The following GPC5 variants were observed in gnomAD, a reference collection of about 807,000 sequenced individuals.
The protein encoded by GPC5 is glypican 5.
GPC5 carries 47 observed loss-of-function variants against 53.9 expected under a neutral mutation model. That is an observed-to-expected ratio of 0.87 (90% CI 0.69 to 1.11). The LOEUF (loss-of-function observed/expected upper bound fraction) is 1.11. Among genes scored for constraint, GPC5 ranks in the 50% most tolerant of loss-of-function variants. The pLI, the probability that GPC5 is intolerant of heterozygous loss-of-function variation, is 0.00. For synonymous variants in GPC5, 286 were observed against 263.3 expected (o/e 1.09, Z -0.84); for missense variants, 748 against 713.1 (o/e 1.05, Z -0.56).
chr13:92,823,769 T>C (rs1167015054), intron 7 of GPC5, among the ~76,000 whole-genome samples: 1 of 152,140 alleles, frequency 6.6e-6, no homozygotes, highest in Non-Finnish European at 1.5e-5. Flanking sequence ...CCTATGTATA[T>C]GTGAGAATAT....
At chr13:91,545,768 A>G (rs1413084349) in intron 2 of GPC5, among the ~76,000 whole-genome samples, 2 of 152,086 alleles carry the variant, frequency 1.3e-5, no homozygotes, top group African/African-American at 4.8e-5. Flanking sequence ...ATTATTTTAG[A>G]TACTTCATAT....
intron 2 of GPC5, among the ~76,000 whole-genome samples, chr13:91,487,741 T>C (rs1265602487): frequency 1.3e-5 from 2 of 152,212 alleles, no homozygotes; most frequent in Non-Finnish European, 2.9e-5. Context: ...CTACTTCTCC[T>C]TTATAGATCA....
chr13:92,550,950 C>T (rs1882290979), intron 7 of GPC5, among the ~76,000 whole-genome samples: 1 of 151,822 alleles, frequency 6.6e-6, no homozygotes, highest in African/African-American at 2.4e-5. Context: ...AATATCCCTA[C>T]CGATGTTTGA....
intron 2 of GPC5, among the ~76,000 whole-genome samples, chr13:91,462,762 A>G (rs770769920): frequency 6.6e-6 from 1 of 152,074 alleles, no homozygotes; most frequent in Non-Finnish European, 1.5e-5. Context: ...TGCTGTGTTC[A>G]CATTCTGATT....
intron 7 of GPC5, among the ~76,000 whole-genome samples, chr13:92,743,797 G>C (rs995576391): frequency 2.6e-5 from 4 of 152,084 alleles, no homozygotes; most frequent in African/African-American, 9.7e-5. Flanking sequence ...TAACATGAAG[G>C]CTGTTGAATT....
At position 91,399,033 on chromosome 13, in the gene GPC5, C is replaced by T; in HGVS notation, c.-14C>T. 6.5e-7 allele frequency: 1 copy of T among 1,539,076 alleles called. No individual in the cohort carries two copies. Among genetic ancestry groups the T allele is most frequent in the Non-Finnish European group, 8.8e-7 (1 of 1,141,580 alleles). On this transcript the variant is annotated 5_prime_UTR_variant, in exon 1 of 8. Transcript: ENST00000377067. Reference sequence around the variant, plus strand: ...GGGGTCCACTGGCGGGTAAAGGGGACCAGGACGGCGAGGATGGACGCACAG... The same window carrying T: ...GGGGTCCACTGGCGGGTAAAGGGGATCAGGACGGCGAGGATGGACGCACAG...
At chr13:92,261,579 T>C (rs2042767489) in intron 7 of GPC5, among the ~76,000 whole-genome samples, 1 of 152,060 alleles carries the variant, frequency 6.6e-6, no homozygotes, top group African/African-American at 2.4e-5. Flanking sequence ...CTGCCAGCTT[T>C]AAAGAAATGA....
At chr13:92,432,592 G>T (rs1220381245) in intron 7 of GPC5, among the ~76,000 whole-genome samples, 1 of 151,078 alleles carries the variant, frequency 6.6e-6, no homozygotes, top group African/African-American at 2.4e-5. Context: ...AGCCAGGATG[G>T]TCTTGATCTC....
intron 7 of GPC5, among the ~76,000 whole-genome samples, chr13:92,294,805 GTTTC>G (rs1328988506): frequency 1.2e-4 from 15 of 122,382 alleles, no homozygotes; most frequent in South Asian, 2.6e-4. Flanking sequence ...TGTTTGTGCT[GTTTC>G]TTTCTTTTTT....
At chr13:92,332,108 C>T (rs1326974838) in intron 7 of GPC5, among the ~76,000 whole-genome samples, 2 of 152,152 alleles carry the variant, frequency 1.3e-5, no homozygotes, top group African/African-American at 4.8e-5. Context: ...GTCCCCCAAA[C>T]ATTCTCAAAT....
intron 6 of GPC5, among the ~76,000 whole-genome samples, chr13:91,920,302 A>C (rs1419200072): frequency 6.6e-6 from 1 of 152,174 alleles, no homozygotes; most frequent in Non-Finnish European, 1.5e-5. Context: ...TTAAAAATTA[A>C]AAATTCAATA....
chr13:91,695,396 C>T (rs574448449), intron 3 of GPC5, among the ~76,000 whole-genome samples: 8 of 151,996 alleles, frequency 5.3e-5, no homozygotes, highest in East Asian at 1.9e-4. Flanking sequence ...TATTTTTTGA[C>T]GGAGTCTCAC....
At chr13:92,221,877 C>T (rs550091154) in intron 7 of GPC5, among the ~76,000 whole-genome samples, 54 of 152,038 alleles carry the variant, frequency 3.6e-4, no homozygotes, top group African/African-American at 1.2e-3. Context: ...AGAAAAATGA[C>T]AATATACATT....
chr13:92,275,098 A>C (rs967195886), intron 7 of GPC5, among the ~76,000 whole-genome samples: 3 of 152,184 alleles, frequency 2.0e-5, no homozygotes, highest in African/African-American at 7.2e-5. Flanking sequence ...CACTTTGAAT[A>C]GATTCTCTTA....
intron 7 of GPC5, among the ~76,000 whole-genome samples, chr13:92,399,584 C>T (rs571488581): frequency 2.6e-5 from 4 of 152,126 alleles, no homozygotes; most frequent in Admixed American, 6.5e-5. Context: ...CTGTTGTTCC[C>T]GTAATGATAA....
intron 1 of GPC5, among the ~76,000 whole-genome samples, chr13:91,424,690 C>T (rs898871474): frequency 1.3e-5 from 2 of 152,058 alleles, no homozygotes; most frequent in Non-Finnish European, 2.9e-5. Context: ...TCTAAAGACA[C>T]TAAGAATGTG....
intron 7 of GPC5, among the ~76,000 whole-genome samples, chr13:92,849,061 A>G (rs1467856559): frequency 1.3e-5 from 2 of 151,778 alleles, no homozygotes; most frequent in Non-Finnish European, 2.9e-5. Flanking sequence ...GATCTTGTTG[A>G]CCCAAGGTAC....
chr13:92,356,909 C>G (rs1022565242), intron 7 of GPC5, among the ~76,000 whole-genome samples: 4 of 152,140 alleles, frequency 2.6e-5, no homozygotes, highest in African/African-American at 9.7e-5. Context: ...TCCCCATGGT[C>G]TGTTATGTCC....
Position 92,855,013 on chromosome 13 carries a change from T to G in GPC5, c.1562-11269T>G, listed in dbSNP as rs1315140583. Among the ~76,000 whole-genome samples, 11 of 152,012 alleles carry G rather than the reference T, an allele frequency of 7.2e-5. 1 individual carries two copies. Among genetic ancestry groups the G allele is most frequent in the Admixed American group, 7.2e-4 (11 of 15,250 alleles). The stretch of plus-strand genomic sequence containing the variant: ...ATTTTCTTCTAGTATTTTTGTGGTT[T>G]CAGGTCTAACATTTAAATCTTTAAA... On this transcript the variant is annotated intron_variant, in intron 7 of 7. Transcript: ENST00000377067.
Sources: allele counts gnomAD v4.1 joint callset (sites outside exome capture counted in the v4.1 genomes callset), GRCh38; gene constraint gnomAD v4.1.1; transcripts MANE v1.5; gene names NCBI Gene and HGNC (gene_info 2026-07-23, HGNC 2026-07-21).